NIBAN1: variants seen among roughly 807,000 people sequenced by gnomAD.
The protein encoded by NIBAN1 is protein Niban 1.
In NIBAN1, 81 loss-of-function variants were observed where a neutral mutation model predicts 75.1. The observed-to-expected ratio is 1.08, with a 90% CI of 0.90 to 1.30. The LOEUF is 1.30. Among genes scored for constraint, NIBAN1 ranks in the 50% most tolerant of loss-of-function variants. The pLI, the probability that NIBAN1 is intolerant of heterozygous loss-of-function variation, is 0.00. For missense variants in NIBAN1, 1,133 were observed against 1,128.1 expected (o/e 1.00, Z -0.06); for synonymous variants, 436 against 424.8 (o/e 1.03, Z -0.32).
At chr1:184,825,439 AG>A (rs1292301432) in intron 6 of NIBAN1, among the ~76,000 whole-genome samples, 1 of 151,980 alleles carries the variant, frequency 6.6e-6, no homozygotes, top group East Asian at 1.9e-4. Context: ...AAAAGGAAAA[AG>A]AAGGCAATAA....
At chr1:184,898,372 T>C (rs234638) in intron 2 of NIBAN1, among the ~76,000 whole-genome samples, 7,995 of 152,212 alleles carry the variant, frequency 0.053, 716 homozygotes, top group African/African-American at 0.18. Flanking sequence ...CCCAGCACTT[T>C]GGGAGGCCGA....
chr1:184,861,624 G>A, intron 5 of NIBAN1, among the ~76,000 whole-genome samples: 1 of 143,930 alleles, frequency 6.9e-6, no homozygotes, highest in Non-Finnish European at 1.5e-5. Flanking sequence ...GGAGAATGAA[G>A]GAAGGAAAGA....
At chr1:184,932,528 G>A (rs1009186507) in intron 1 of NIBAN1, among the ~76,000 whole-genome samples, 15 of 152,146 alleles carry the variant, frequency 9.9e-5, no homozygotes, top group African/African-American at 3.6e-4. Flanking sequence ...GTAATGGGGA[G>A]CGGCTGTAAA....
intron 1 of NIBAN1, among the ~76,000 whole-genome samples, chr1:184,930,788 C>T (rs950464149): frequency 2.0e-5 from 3 of 152,098 alleles, no homozygotes; most frequent in Non-Finnish European, 4.4e-5. Context: ...TCCAGCAGAG[C>T]CCTTTGATAA....
At chr1:184,873,799 T>G (rs542305438) in intron 5 of NIBAN1, among the ~76,000 whole-genome samples, 184 of 152,314 alleles carry the variant, frequency 1.2e-3, no homozygotes, top group African/African-American at 4.1e-3. Context: ...ATAAAATGTG[T>G]ATGCTTTCCT....
At chr1:184,920,488 T>C (rs912259075) in intron 1 of NIBAN1, among the ~76,000 whole-genome samples, 1 of 152,182 alleles carries the variant, frequency 6.6e-6, no homozygotes, top group African/African-American at 2.4e-5. Flanking sequence ...CCAGAATTTA[T>C]TCTTCCTGGT....
At chr1:184,859,834 G>C (rs1298239277) in intron 5 of NIBAN1, among the ~76,000 whole-genome samples, 1 of 152,154 alleles carries the variant, frequency 6.6e-6, no homozygotes, top group African/African-American at 2.4e-5. Context: ...GGGTTTCATG[G>C]GCAGCATGGT....
intron 1 of NIBAN1, among the ~76,000 whole-genome samples, chr1:184,971,541 G>A (rs995387786): frequency 7.9e-5 from 12 of 152,180 alleles, no homozygotes; most frequent in Admixed American, 5.9e-4. Flanking sequence ...ATGGTGGTGC[G>A]TGGCTGTAAT....
At chr1:184,860,127 T>G (rs894188292) in intron 5 of NIBAN1, among the ~76,000 whole-genome samples, 2 of 151,790 alleles carry the variant, frequency 1.3e-5, no homozygotes, top group Non-Finnish European at 2.9e-5. Flanking sequence ...AGAACTATGG[T>G]GTGAGTGGGG....
rs1411332012 is a variant in NIBAN1, at chr1:184,794,198, T to C, written c.*779A>G. 1 of 152,288 alleles carries C rather than the reference T, an allele frequency of 6.6e-6. No individual in the cohort carries two copies. Among genetic ancestry groups the C allele is most frequent in the East Asian group, 1.9e-4 (1 of 5,202 alleles). 9.4% of individuals were successfully genotyped at this position (152,288 alleles called of 1,614,324 possible). ...ATTGACGGGTTTTAAGCTCGATAAC[T>C]TAGCTAAGCCCTTTGCACAGTCTAA... On this transcript the variant is annotated 3_prime_UTR_variant, in exon 14 of 14. Transcript: ENST00000367511.
intron 1 of NIBAN1, among the ~76,000 whole-genome samples, chr1:184,963,812 A>T (rs1157505649): frequency 1.3e-5 from 2 of 152,224 alleles, no homozygotes; most frequent in East Asian, 3.8e-4. Flanking sequence ...ACTCAATATC[A>T]TACAGATGTC....
At chr1:184,891,294 T>C (rs1273604079) in intron 3 of NIBAN1, among the ~76,000 whole-genome samples, 1 of 152,156 alleles carries the variant, frequency 6.6e-6, no homozygotes, top group Non-Finnish European at 1.5e-5. Context: ...AATAAATGAT[T>C]AACCCAGGAA....
chr1:184,910,356 A>C (rs1462997938), intron 1 of NIBAN1, among the ~76,000 whole-genome samples: 1 of 152,182 alleles, frequency 6.6e-6, no homozygotes, highest in Non-Finnish European at 1.5e-5. Flanking sequence ...CAAAGATTAC[A>C]GACCTCTAGA....
intron 5 of NIBAN1, 143 bp from the exon 6 acceptor site, chr1:184,832,105 G>C (rs888822323): frequency 3.1e-6 from 2 of 641,488 alleles, no homozygotes; most frequent in Non-Finnish European, 5.5e-6. Context: ...AGTTAAGCAA[G>C]TACTGAATTC....
intron 5 of NIBAN1, among the ~76,000 whole-genome samples, chr1:184,867,708 C>G (rs1490881079): frequency 6.6e-6 from 1 of 152,166 alleles, no homozygotes; most frequent in Non-Finnish European, 1.5e-5. Context: ...TTCCACTTAT[C>G]CTGGAAAGTC....
chr1:184,823,460 T>C, intron 7 of NIBAN1, 131 bp from the exon 8 acceptor site: 1 of 1,357,624 alleles, frequency 7.4e-7, no homozygotes, highest in East Asian at 2.4e-5. Context: ...AATTTTTCTT[T>C]CAAAGTTGGA....
intron 1 of NIBAN1, among the ~76,000 whole-genome samples, chr1:184,907,636 C>T (rs2102000297): frequency 6.6e-6 from 1 of 152,314 alleles, no homozygotes; most frequent in East Asian, 1.9e-4. Flanking sequence ...ATTCACAATA[C>T]AGAGGTGTAA....
At chr1:184,929,023 T>C (rs1307934344) in intron 1 of NIBAN1, among the ~76,000 whole-genome samples, 1 of 152,204 alleles carries the variant, frequency 6.6e-6, no homozygotes, top group East Asian at 1.9e-4. Flanking sequence ...AACCCCAATG[T>C]AATGAGAAGT....
chr1:184,965,094 T>C (rs939424173), intron 1 of NIBAN1, among the ~76,000 whole-genome samples: 6 of 152,004 alleles, frequency 3.9e-5, no homozygotes, highest in African/African-American at 1.4e-4. Context: ...AGTCAGGAGA[T>C]CGAGAACATC....
Sources: gnomAD v4.1 joint callset for allele counts (sites outside exome capture counted in the v4.1 genomes callset) on GRCh38, gnomAD v4.1.1 for gene constraint, MANE v1.5 for transcripts, NCBI Gene and HGNC (gene_info 2026-07-23, HGNC 2026-07-21) for gene names.